Variants in SERPINB10 observed in about 807,000 individuals in gnomAD.
The protein encoded by SERPINB10 is serpin B10.
SERPINB10 carries 35 observed loss-of-function variants against 39.1 expected under a neutral mutation model. The ratio of observed to expected loss-of-function variants is 0.90; its 90% confidence interval spans 0.68 to 1.19. The LOEUF is 1.19. SERPINB10 is among the 50% of genes most tolerant of loss of function. SERPINB10 has a pLI of 0.00. For synonymous variants in SERPINB10, 190 were observed against 158.1 expected, an observed-to-expected ratio of 1.20 and a Z score of -1.52; for missense variants, 546 against 460.5, an observed-to-expected ratio of 1.19 and a Z score of -1.70.
At chr18:63,929,131 C>T (rs141757253) in intron 5 of SERPINB10, among the ~76,000 whole-genome samples, 3,398 of 151,956 alleles carry the variant, frequency 0.022, 107 homozygotes, top group East Asian at 0.19. Flanking sequence ...GCTACAAATA[C>T]GAAATGCCAA....
chr18:63,931,818 C>G (rs74785627), intron 6 of SERPINB10, among the ~76,000 whole-genome samples: 2,182 of 152,218 alleles, frequency 0.014, 55 homozygotes, highest in African/African-American at 0.05. Context: ...TCGTACTGTT[C>G]TATGGATTTT....
rs146161057 is a variant in SERPINB10 at position 63,911,545 on chromosome 18, A to G, written c.-10+3505A>G. 3.2e-3 allele frequency among the ~76,000 whole-genome samples: 482 copies of G among 151,930 alleles called. 2 individuals are homozygous for G. Among genetic ancestry groups the G allele is most frequent in the South Asian group, 8.5e-3 (41 of 4,822 alleles). Reference sequence around the variant, plus strand: ...ATTTATTGAATAGAGTCCTTTCCCAATTGCTTGTTTTTGTTTACTTTGGTA... The same window carrying G: ...ATTTATTGAATAGAGTCCTTTCCCAGTTGCTTGTTTTTGTTTACTTTGGTA... On this transcript the variant is annotated intron_variant, in intron 1 of 7. Transcript: ENST00000238508.
At chr18:63,931,769 A>G (rs2050223997) in intron 6 of SERPINB10, among the ~76,000 whole-genome samples, 2 of 152,182 alleles carry the variant, frequency 1.3e-5, no homozygotes, top group African/African-American at 4.8e-5. Context: ...ATCATTATTA[A>G]CTAAAATCTA....
intron 1 of SERPINB10, among the ~76,000 whole-genome samples, chr18:63,914,631 T>A (rs2050088464): frequency 6.6e-6 from 1 of 152,144 alleles, no homozygotes; most frequent in East Asian, 1.9e-4. Flanking sequence ...CTTGGTAGCA[T>A]AATATCCATG....
chr18:63,912,634 G>A lies in SERPINB10; in HGVS notation c.-9-2868G>A, dbSNP rs534809944. Among the ~76,000 whole-genome samples, 142 of 152,118 alleles carry A rather than the reference G, an allele frequency of 9.3e-4. 2 individuals are homozygous for A. The South Asian group carries it at 0.028, about 30-fold the overall frequency. On this transcript the variant is annotated intron_variant, in intron 1 of 7. Coordinates refer to ENST00000238508, the MANE Select transcript of SERPINB10 (RefSeq NM_005024.3). ...AGTACTCCAGGAACAAAGCCTACTT[G>A]ATGGTGGTAAATTAACTTTTTGATA...
chr18:63,918,077 G>A lies in SERPINB10; in HGVS notation c.347G>A (p.Gly116Glu). ...YLLKTANAIY[G>E]EKTYAFHNKY... is the part of the protein sequence containing the mutation. ...CTTAAAACAGCCAATGCGATATATG[G>A]AGAGAAAACGTATGCATTTCACAAT... The change falls in exon 4 of 8, where the codon GGA becomes GAA. Residue 116 changes from glycine to glutamate, a missense_variant. Physicochemically the swap from Gly to Glu is moderately conservative, Grantham distance 98. Transcript: ENST00000238508. 2 of 1,612,318 alleles carry A rather than the reference G, an allele frequency of 1.2e-6. No individual in the cohort carries two copies. Among genetic ancestry groups the A allele is most frequent in the East Asian group, 2.2e-5 (1 of 44,776 alleles).
chr18:63,910,104 A>G (rs2050053123), intron 1 of SERPINB10, among the ~76,000 whole-genome samples: 2 of 151,924 alleles, frequency 1.3e-5, no homozygotes, highest in South Asian at 2.1e-4. Flanking sequence ...CCAAGTTATG[A>G]TGAAACCAAA....
chr18:63,913,717 G>A (rs539371870), intron 1 of SERPINB10, among the ~76,000 whole-genome samples: 17 of 152,078 alleles, frequency 1.1e-4, no homozygotes, highest in Admixed American at 6.6e-4. Context: ...AGTATATTCC[G>A]CGTGCAGATG....
chr18:63,913,686 T>C (rs1410525379), intron 1 of SERPINB10, among the ~76,000 whole-genome samples: 1 of 152,004 alleles, frequency 6.6e-6, no homozygotes. Flanking sequence ...GCTTTATGGC[T>C]GAGCATGTAA....
chr18:63,915,441 T>A (rs1464568883), intron 1 of SERPINB10, 61 bp from the exon 2 acceptor site: 1 of 1,266,530 alleles, frequency 7.9e-7, no homozygotes, highest in East Asian at 2.4e-5. Context: ...ACATATTTTT[T>A]CAAAGGTGAA....
At chr18:63,930,678 C>G (rs1053036850) in intron 6 of SERPINB10, among the ~76,000 whole-genome samples, 5 of 152,126 alleles carry the variant, frequency 3.3e-5, no homozygotes, top group East Asian at 1.9e-4. Context: ...GCCTTGGGAC[C>G]TGATTGGAAA....
At position 63,908,211 on chromosome 18, in the gene SERPINB10, G is replaced by A. The variant is rs2050039423; in HGVS notation, c.-10+171G>A. Among the ~76,000 whole-genome samples the A allele has an allele frequency of 3.3e-5, 5 of 151,968 alleles. No homozygotes were observed. The South Asian group carries it at 1.0e-3, about 32-fold the overall frequency. On this transcript the variant is annotated intron_variant, in intron 1 of 7. Coordinates refer to ENST00000238508, the MANE Select transcript of SERPINB10 (RefSeq NM_005024.3). ...CTGTATAAGTCAGAGAGTAACCTGA[G>A]CTGGTTTGAAGTTTGTACTAGAAAA...
intron 6 of SERPINB10, 30 bp from the exon 7 acceptor site, chr18:63,933,018 C>A: frequency 6.3e-7 from 1 of 1,597,616 alleles, no homozygotes. Flanking sequence ...GACCTTGTTA[C>A]CTGTTTTTTT....
At chr18:63,920,952 T>C (rs1463074009) in intron 5 of SERPINB10, among the ~76,000 whole-genome samples, 1 of 151,896 alleles carries the variant, frequency 6.6e-6, no homozygotes, top group Admixed American at 6.6e-5. Context: ...ATTTTAGAAA[T>C]AAGGAAGCTG....
intron 1 of SERPINB10, among the ~76,000 whole-genome samples, chr18:63,908,933 A>G (rs1383228106): frequency 6.6e-6 from 1 of 152,082 alleles, no homozygotes; most frequent in Non-Finnish European, 1.5e-5. Flanking sequence ...CAATGGCAAG[A>G]GCAACTGTAT....
At chr18:63,916,595 T>C (rs1015841887) in intron 2 of SERPINB10, among the ~76,000 whole-genome samples, 3 of 152,086 alleles carry the variant, frequency 2.0e-5, no homozygotes, top group Non-Finnish European at 4.4e-5. Flanking sequence ...ACAAAATCCT[T>C]GTTCACAACT....
At position 63,934,942 on chromosome 18, in the gene SERPINB10, C is replaced by T. The variant is rs1005136281; in HGVS notation, c.894C>T (p.Asp298=). The change falls in exon 8 of 8, where the codon GAC becomes GAT. Residue 298 remains aspartate, a synonymous_variant. Coordinates refer to ENST00000238508, the MANE Select transcript of SERPINB10 (RefSeq NM_005024.3). ...ACCTTCCCAAGTTCAAGCTGGAAGA[C>T]AGTTATGATCTCAAGTCAACCCTGA... ...QLHLPKFKLE[D]SYDLKSTLSS... is the part of the protein sequence containing the mutation. 1 of 1,614,222 alleles carries T rather than the reference C, an allele frequency of 6.2e-7. No individual in the cohort carries two copies. The highest frequency in any genetic ancestry group is 8.5e-7 in the Non-Finnish European group (1 of 1,180,046).
intron 1 of SERPINB10, among the ~76,000 whole-genome samples, chr18:63,913,447 C>T (rs2050079352): frequency 6.6e-6 from 1 of 151,972 alleles, no homozygotes; most frequent in South Asian, 2.1e-4. Context: ...CTGCTTTTCG[C>T]TGCATCTTAG....
intron 6 of SERPINB10, among the ~76,000 whole-genome samples, chr18:63,932,775 A>G (rs573064153): frequency 1.3e-5 from 2 of 152,358 alleles, no homozygotes; most frequent in African/African-American, 4.8e-5. Flanking sequence ...ACAAGATCAT[A>G]TATTAAGAGT....
Sources: allele counts gnomAD v4.1 joint callset (sites outside exome capture counted in the v4.1 genomes callset), GRCh38; gene constraint gnomAD v4.1.1; transcripts MANE v1.5; gene names NCBI Gene and HGNC (gene_info 2026-07-23, HGNC 2026-07-21).